DMD: variants seen among roughly 807,000 people sequenced by gnomAD.
DMD encodes dystrophin.
Under a neutral mutation model 330.1 loss-of-function variants are expected in DMD, and 63 were observed. That is an observed-to-expected ratio of 0.19 (90% confidence interval 0.16 to 0.24). The LOEUF (loss-of-function observed/expected upper bound fraction) is 0.24, where lower values mean the gene tolerates loss of function less well. Among genes scored for constraint, DMD ranks in the 10% least tolerant of loss-of-function variants. DMD has a pLI of 1.00. For synonymous variants in DMD, 1,223 were observed against 959.8 expected, an observed-to-expected ratio of 1.27 and a Z score of -5.07; for missense variants, 3,344 against 2,684.1, an observed-to-expected ratio of 1.25 and a Z score of -5.43.
intron 1 of DMD, among the ~76,000 whole-genome samples, chrX:33,064,622 C>T (rs1304453592): frequency 8.9e-6 from 1 of 112,007 alleles, no homozygotes; most frequent in African/African-American, 3.2e-5. Context: ...GACGCGGTGG[C>T]TCATGCCTGT....
intron 9 of DMD, among the ~76,000 whole-genome samples, chrX:32,650,561 C>T (rs748922948): frequency 5.4e-5 from 6 of 111,762 alleles, no homozygotes; most frequent in Admixed American, 9.5e-5. Flanking sequence ...GACACATTTC[C>T]GCTGTGTTTT....
At chrX:32,832,617 C>A (rs1387140060) in intron 4 of DMD, among the ~76,000 whole-genome samples, 1 of 111,528 alleles carries the variant, frequency 9.0e-6, no homozygotes, top group Non-Finnish European at 1.9e-5. Context: ...TACAATCCTT[C>A]TAAATATAAT....
rs555920349 is a variant in DMD, at chrX:31,167,137, A to C, written c.10553+2306T>G. Among the ~76,000 whole-genome samples the C allele has an allele frequency of 1.0e-3, 113 of 111,364 alleles. 3 individuals carry two copies. In the South Asian group the frequency reaches 0.042, roughly 42 times the overall value. On this transcript the variant is annotated intron_variant, in intron 74 of 78. Transcript: ENST00000357033. ...ATGTAAATGACATTCACAGAGACTT[A>C]CTCTTCTTTATTATCTGGTTGAAGG...
chrX:31,190,236 A>T (rs1436791917), intron 67 of DMD, among the ~76,000 whole-genome samples: 2 of 111,906 alleles, frequency 1.8e-5, no homozygotes, highest in African/African-American at 6.5e-5. Flanking sequence ...GCATCTGAAG[A>T]GGAGACTGTA....
chrX:32,406,325 T>C (rs1487460875), intron 30 of DMD, among the ~76,000 whole-genome samples: 3 of 111,496 alleles, frequency 2.7e-5, no homozygotes, highest in Non-Finnish European at 5.6e-5. Context: ...ACCCCTGTCT[T>C]GTGCCAGTTT....
intron 13 of DMD, among the ~76,000 whole-genome samples, chrX:32,586,426 G>C (rs943772830): frequency 4.6e-5 from 5 of 107,861 alleles, no homozygotes; most frequent in Non-Finnish European, 9.6e-5. Flanking sequence ...AATTGAGTGG[G>C]ACAGGTGCTA....
intron 47 of DMD, among the ~76,000 whole-genome samples, chrX:31,914,073 C>G (rs965116606): frequency 8.9e-6 from 1 of 112,328 alleles, no homozygotes; most frequent in Non-Finnish European, 1.9e-5. Flanking sequence ...TTTTCTCATC[C>G]TTGACTTCAA....
intron 1 of DMD, among the ~76,000 whole-genome samples, chrX:33,244,169 C>G (rs1163207144): frequency 9.0e-6 from 1 of 111,160 alleles, no homozygotes; most frequent in Non-Finnish European, 1.9e-5. Context: ...GTATCCTCGT[C>G]TTGTGCCAGA....
At chrX:32,076,472 C>T (rs1467498782) in intron 44 of DMD, among the ~76,000 whole-genome samples, 4 of 107,620 alleles carry the variant, frequency 3.7e-5, no homozygotes, top group Non-Finnish European at 7.7e-5. Context: ...CTCCACCTCC[C>T]GGGTTCACAC....
At chrX:32,244,346 A>C (rs1473929181) in intron 43 of DMD, among the ~76,000 whole-genome samples, 3 of 93,004 alleles carry the variant, frequency 3.2e-5, no homozygotes, top group Non-Finnish European at 6.4e-5. Context: ...ACATTTTCTT[A>C]ATCCAGTCTA....
upstream of DMD, among the ~76,000 whole-genome samples, chrX:33,214,861 C>T (rs1379250959): frequency 8.9e-6 from 1 of 111,865 alleles, no homozygotes; most frequent in Non-Finnish European, 1.9e-5. Context: ...TTATGTTGCG[C>T]AGGCTGGTCT....
chrX:33,316,123 A>C (rs966811282), intron 1 of DMD, among the ~76,000 whole-genome samples: 1 of 110,626 alleles, frequency 9.0e-6, no homozygotes, highest in African/African-American at 3.3e-5. Flanking sequence ...GTAATCAACT[A>C]TTTCCTAGCA....
intron 55 of DMD, among the ~76,000 whole-genome samples, chrX:31,519,577 C>T (rs1170349605): frequency 9.0e-6 from 1 of 111,475 alleles, no homozygotes; most frequent in Non-Finnish European, 1.9e-5. Context: ...CAAAACAACC[C>T]TACACTGATG....
intron 7 of DMD, among the ~76,000 whole-genome samples, chrX:32,792,473 T>C (rs2075892083): frequency 8.9e-6 from 1 of 112,037 alleles, no homozygotes. Flanking sequence ...ATATCAGTAA[T>C]AATGTTGAAT....
chrX:32,386,214 T>C, intron 33 of DMD, 96 bp downstream of exon 33: 1 of 981,627 alleles, frequency 1.0e-6, no homozygotes, highest in Non-Finnish European at 1.5e-6. Context: ...GTGTTTAGAA[T>C]TGCTAAGACT....
chrX:32,248,759 G>T (rs2097252244), intron 43 of DMD, among the ~76,000 whole-genome samples: 1 of 110,754 alleles, frequency 9.0e-6, no homozygotes, highest in Admixed American at 9.7e-5. Context: ...GAATAACTTG[G>T]TGTGACTTTT....
intron 55 of DMD, among the ~76,000 whole-genome samples, chrX:31,560,741 T>G (rs888323246): frequency 1.8e-5 from 2 of 110,666 alleles, no homozygotes; most frequent in Non-Finnish European, 3.8e-5. Flanking sequence ...TGAAGACCTA[T>G]ATGATGATCC....
At chrX:32,298,186 G>A (rs951415447) in intron 42 of DMD, among the ~76,000 whole-genome samples, 7 of 110,698 alleles carry the variant, frequency 6.3e-5, no homozygotes, top group Non-Finnish European at 1.1e-4. Flanking sequence ...GAGTCTACAG[G>A]GGAGAAGGCA....
chrX:33,235,052 G>T (rs1207662767), intron 1 of DMD, among the ~76,000 whole-genome samples: 1 of 112,001 alleles, frequency 8.9e-6, no homozygotes, highest in African/African-American at 3.2e-5. Flanking sequence ...CTCCATCAGA[G>T]AGTTCTGTAG....
Sources: gnomAD v4.1 joint callset for allele counts (sites outside exome capture counted in the v4.1 genomes callset) on GRCh38, gnomAD v4.1.1 for gene constraint, MANE v1.5 for transcripts, NCBI Gene and HGNC (gene_info 2026-07-23, HGNC 2026-07-21) for gene names.